Variants in GALNT9 observed in about 807,000 individuals in gnomAD.
The protein encoded by GALNT9 is polypeptide N-acetylgalactosaminyltransferase 9, also known as GalNAc transferase 9.
A neutral mutation model predicts 63.1 loss-of-function variants in GALNT9; 47 were observed. That is an observed-to-expected ratio of 0.75 (90% CI 0.59 to 0.95). The LOEUF is 0.95. GALNT9 is among the 40% of genes least tolerant of loss of function. GALNT9 has a pLI of 0.00. For missense variants in GALNT9, 829 were observed against 874.8 expected (o/e 0.95, Z 0.66); for synonymous variants, 396 against 365.7 (o/e 1.08, Z -0.94).
At chr12:132,228,353 T>C (rs1394971000) in intron 6 of GALNT9, among the ~76,000 whole-genome samples, 4 of 141,626 alleles carry the variant, frequency 2.8e-5, no homozygotes, top group Non-Finnish European at 1.6e-5. Flanking sequence ...CAGCACCTCC[T>C]CGCTCCCTCC....
intron 5 of GALNT9, among the ~76,000 whole-genome samples, chr12:132,256,021 AC>A (rs1282203677): frequency 6.6e-6 from 1 of 152,094 alleles, no homozygotes. Flanking sequence ...ACAGGCATGA[AC>A]CACCGCACCT....
chr12:132,280,849 C>T (rs1555241622), intron 2 of GALNT9: 1 of 152,320 alleles, frequency 6.6e-6, no homozygotes, highest in Non-Finnish European at 1.5e-5. Flanking sequence ...ACTCCACGTC[C>T]CCGCTCTGCC....
chr12:132,257,585 C>A (rs1555239214), intron 5 of GALNT9, 104 bp downstream of exon 5: 7 of 837,106 alleles, frequency 8.4e-6, no homozygotes, highest in Middle Eastern at 2.9e-4. Flanking sequence ...GTCCCCAGCC[C>A]TCGTCCCCGG....
chr12:132,241,092 C>T (rs1556512630), intron 6 of GALNT9, among the ~76,000 whole-genome samples: 1 of 132,762 alleles, frequency 7.5e-6, no homozygotes, highest in African/African-American at 3.0e-5. Context: ...CTTCCCGGGG[C>T]CCTCCCTATA....
At chr12:132,264,666 C>T (rs1221309589) in intron 2 of GALNT9, among the ~76,000 whole-genome samples, 2 of 152,240 alleles carry the variant, frequency 1.3e-5, no homozygotes, top group Non-Finnish European at 2.9e-5. Flanking sequence ...GCAGGAAAAG[C>T]ATCCCTGTGT....
intron 6 of GALNT9, among the ~76,000 whole-genome samples, chr12:132,235,254 C>A (rs1288220137): frequency 3.3e-5 from 5 of 151,804 alleles, no homozygotes; most frequent in African/African-American, 1.2e-4. Context: ...GTGTGTGGGG[C>A]AGAGGACAGT....
intron 1 of GALNT9, among the ~76,000 whole-genome samples, chr12:132,317,344 GC>G (rs1195855129): frequency 4.6e-5 from 7 of 152,104 alleles, no homozygotes; most frequent in Admixed American, 3.9e-4. Flanking sequence ...GCCTTGCACT[GC>G]CCCCCCAGGC....
chr12:132,210,060 G>A (rs915773076), intron 6 of GALNT9, among the ~76,000 whole-genome samples: 1 of 152,202 alleles, frequency 6.6e-6, no homozygotes, highest in Admixed American at 6.5e-5. Flanking sequence ...GGAAGACACG[G>A]GTGGCGTGGG....
At chr12:132,229,661 G>A (rs1055172083) in intron 6 of GALNT9, among the ~76,000 whole-genome samples, 2 of 152,206 alleles carry the variant, frequency 1.3e-5, no homozygotes, top group African/African-American at 2.4e-5. Flanking sequence ...CGGGCCACAC[G>A]GCCGGCATGG....
intron 1 of GALNT9, among the ~76,000 whole-genome samples, chr12:132,300,568 A>G (rs1276476838): frequency 7.8e-6 from 1 of 127,864 alleles, no homozygotes; most frequent in Admixed American, 8.0e-5. Flanking sequence ...CTCCCACCAC[A>G]CCTAACGCAC....
At position 132,315,035 on chromosome 12, in the gene GALNT9, T is replaced by G. The variant is rs1174464762; in HGVS notation, c.238+13931A>C. ...TCCTCACAACAGAGGTGAGTGCTGT[T>G]CTCACCCCAATTTACAGATGAGGAA... On this transcript the variant is annotated intron_variant, in intron 1 of 10. Coordinates refer to ENST00000328957, the MANE Select transcript of GALNT9 (RefSeq NM_001122636.2). This position sits in a 1 kb window ranked among gnomAD's most constrained non-coding sequence, Gnocchi z 6.1. Among the ~76,000 whole-genome samples, 4 of 152,148 alleles carry G rather than the reference T, an allele frequency of 2.6e-5. No homozygotes were observed. The highest frequency in any genetic ancestry group is 1.5e-5 in the Non-Finnish European group (1 of 68,028).
intron 9 of GALNT9, among the ~76,000 whole-genome samples, chr12:132,198,549 A>G (rs1875735657): frequency 1.4e-5 from 1 of 73,300 alleles, no homozygotes; most frequent in African/African-American, 5.5e-5. Flanking sequence ...AATGCTTCCC[A>G]CACTTCGCTT....
intron 1 of GALNT9, among the ~76,000 whole-genome samples, chr12:132,321,013 G>C (rs1009139560): frequency 2.0e-5 from 3 of 152,152 alleles, no homozygotes; most frequent in Non-Finnish European, 4.4e-5. Flanking sequence ...AGGTGCCCAG[G>C]GTGGACTCTC....
intron 1 of GALNT9, among the ~76,000 whole-genome samples, chr12:132,291,574 CCCA>C (rs1226866955): frequency 6.6e-6 from 1 of 151,242 alleles, no homozygotes; most frequent in Non-Finnish European, 1.5e-5. Flanking sequence ...AACCACAGCG[CCCA>C]CGTCCACACC....
intron 2 of GALNT9, chr12:132,280,767 C>T (rs1172590706): frequency 6.6e-6 from 1 of 152,348 alleles, no homozygotes; most frequent in African/African-American, 2.4e-5. Context: ...CCAGGCTCAG[C>T]TTTCAGCCTG....
At position 132,310,897 on chromosome 12, in the gene GALNT9, A is replaced by G. The variant is rs1555245104; in HGVS notation, c.238+18069T>C. 6.6e-6 allele frequency among the ~76,000 whole-genome samples: 1 copy of G among 152,122 alleles called. No individual in the cohort carries two copies. Among genetic ancestry groups the G allele is most frequent in the African/African-American group, 2.4e-5 (1 of 41,432 alleles). ...TTGGAGCCTCCGCCTGTCCACAGCC[A>G]TCCTTCAGGGCACCCACTCTCCCTG... On this transcript the variant is annotated intron_variant, in intron 1 of 10. Transcript: ENST00000328957. The surrounding 1 kb of genome is among the most constrained non-coding windows in gnomAD (Gnocchi z 4.8).
At position 132,282,261 on chromosome 12, in the gene GALNT9, G is replaced by A. The variant is rs1880385580; in HGVS notation, c.419+3989C>T. 6.6e-6 allele frequency among the ~76,000 whole-genome samples: 1 copy of A among 151,686 alleles called. No homozygotes were observed. The highest frequency in any genetic ancestry group is 6.6e-5 in the Admixed American group (1 of 15,250). ...GCCTGGGGTCCCACATCCCACAGAG[G>A]GGGAATCAGCTCCACTACAGCAAGG... On this transcript the variant is annotated intron_variant, in intron 2 of 10. Transcript: ENST00000328957. The surrounding 1 kb of genome is among the most constrained non-coding windows in gnomAD (Gnocchi z 4.5).
In GALNT9 at chr12:132,310,253, G is replaced by A. The variant is rs529358561; in HGVS notation, c.238+18713C>T. Among the ~76,000 whole-genome samples the A allele has an allele frequency of 2.0e-5, 3 of 152,280 alleles. No individual in the cohort carries two copies. The highest frequency in any genetic ancestry group is 1.9e-4 in the East Asian group (1 of 5,178). On this transcript the variant is annotated intron_variant, in intron 1 of 10. Transcript: ENST00000328957. The surrounding 1 kb of genome is among the most constrained non-coding windows in gnomAD (Gnocchi z 4.8). ...TGCCACCAGCCCTCCAGGTCTCACC[G>A]GCCACACCGCGGTTCGGCATTTCAG...
chr12:132,320,646 C>T (rs1287525812), intron 1 of GALNT9, among the ~76,000 whole-genome samples: 1 of 29,412 alleles, frequency 3.4e-5, no homozygotes. Flanking sequence ...CCGTGGGACA[C>T]GGTGGAGGAG....
Sources: allele counts gnomAD v4.1 joint callset (sites outside exome capture counted in the v4.1 genomes callset), GRCh38; gene constraint gnomAD v4.1.1; non-coding constraint Gnocchi (gnomAD v3.1); transcripts MANE v1.5; gene names NCBI Gene and HGNC (gene_info 2026-07-23, HGNC 2026-07-21).